Variants in CDHR5 observed in about 807,000 individuals in gnomAD.
CDHR5 encodes the protein cadherin-related family member 5.
A neutral mutation model predicts 69.5 loss-of-function variants in CDHR5; 82 were observed. The observed-to-expected ratio is 1.18, with a 90% CI of 0.99 to 1.42. CDHR5 has a LOEUF of 1.42. Among genes scored for constraint, CDHR5 ranks in the 40% most tolerant of loss-of-function variants. CDHR5 has a pLI of 0.00. For synonymous variants in CDHR5, 601 were observed against 510.2 expected, an observed-to-expected ratio of 1.18 and a Z score of -2.40; for missense variants, 1,293 against 1,168.9, an observed-to-expected ratio of 1.11 and a Z score of -1.55.
rs1857212919 is a variant in CDHR5, at chr11:619,369, T to C, written c.1315A>G (p.Thr439Ala). ...YAEVEAHNTV[T>A]SGTATTVIEI... ...ATGACTGTGGTTGCGGTGCCAGAGG[T>C]CACCGTGTTGTGGGCCTCAACCTGG... The change falls in exon 12 of 15, where the codon ACC becomes GCC. Residue 439 changes from threonine to alanine, a missense_variant. Physicochemically the swap from Thr to Ala is moderately conservative, Grantham distance 58. Transcript: ENST00000397542. 1 of 1,613,410 alleles carries C rather than the reference T, an allele frequency of 6.2e-7. No homozygotes were observed. Among genetic ancestry groups the C allele is most frequent in the African/African-American group, 1.3e-5 (1 of 74,824 alleles).
At chr11:619,648 C>A in intron 10 of CDHR5, 33 bp downstream of exon 10, 1 of 1,611,362 alleles carries the variant, frequency 6.2e-7, no homozygotes, top group Non-Finnish European at 8.5e-7. Flanking sequence ...CCTGACCCAC[C>A]CACAGAGGGG....
chr11:620,483 G>T, intron 7 of CDHR5, 97 bp from the exon 8 acceptor site: 2 of 827,190 alleles, frequency 2.4e-6, no homozygotes, highest in Non-Finnish European at 3.9e-6. Context: ...GGTTGGCTGA[G>T]GAGGGGCCCA....
At chr11:623,687 T>G (rs192897169) in intron 3 of CDHR5, among the ~76,000 whole-genome samples, 1 of 152,036 alleles carries the variant, frequency 6.6e-6, no homozygotes, top group Non-Finnish European at 1.5e-5. Flanking sequence ...CAGCCTTGGT[T>G]TACAACATCC....
rs978323862 is a variant in CDHR5, at chr11:621,017, C to T, written c.789+63G>A. The T allele has an allele frequency of 4.3e-5, 55 of 1,268,470 alleles. No individual in the cohort carries two copies. In the East Asian group the frequency reaches 8.0e-4, roughly 19 times the overall value. 78.6% of individuals were successfully genotyped at this position (1,268,470 alleles called of 1,614,324 possible). ...CCGCCCTTCCTCTCCTGATCCTGGCCGTCCCTGTGTCCAGCCTGCCTAGAA... is the reference window on the plus strand; with the variant it reads ...CCGCCCTTCCTCTCCTGATCCTGGCTGTCCCTGTGTCCAGCCTGCCTAGAA... On this transcript the variant is annotated intron_variant, in intron 7 of 14. Transcript: ENST00000397542. The surrounding 1 kb of genome is among the most constrained non-coding windows in gnomAD (Gnocchi z 4.4).
At position 617,194 on chromosome 11, in the gene CDHR5, CAG is replaced by C. The variant is rs1036229867; in HGVS notation, c.*155_*156del. 1.3e-4 allele frequency: 80 copies of C among 627,220 alleles called. 1 individual carries two copies. The East Asian group carries it at 1.7e-3, about 13-fold the overall frequency. 38.9% of individuals were successfully genotyped at this position (627,220 alleles called of 1,614,324 possible). Reference sequence around the variant, plus strand: ...ACCTGGGCTCAAGCGCTAATGACGACAGGGGACTGAGTGAATGGGACCCCCAT... The same window carrying C: ...ACCTGGGCTCAAGCGCTAATGACGACGGGACTGAGTGAATGGGACCCCCAT... On this transcript the variant is annotated 3_prime_UTR_variant, in exon 15 of 15. Coordinates refer to ENST00000397542, the MANE Select transcript of CDHR5 (RefSeq NM_021924.5).
rs770680095 is a variant in CDHR5, at chr11:619,128, G to C, written c.1431C>G (p.Thr477=). The C allele has an allele frequency of 6.3e-7, 1 of 1,590,746 alleles. No homozygotes were observed. Among genetic ancestry groups the C allele is most frequent in the Non-Finnish European group, 8.5e-7 (1 of 1,170,616 alleles). The change falls in exon 13 of 15, where the codon ACC becomes ACG. Residue 477 remains threonine (T), a synonymous_variant. Coordinates refer to ENST00000397542, the MANE Select transcript of CDHR5 (RefSeq NM_021924.5). ...AGGTTGPWTS[T]TSEVPRPPEP... is the part of the protein sequence containing the mutation. ...CAGGGGGTCTGGGGACCTCGGAAGTGGTGCTGGTCCAGGGCCCAGTTGTTC... is the reference window on the plus strand; with the variant it reads ...CAGGGGGTCTGGGGACCTCGGAAGTCGTGCTGGTCCAGGGCCCAGTTGTTC...
chr11:619,045 G>A lies in CDHR5; in HGVS notation c.1514C>T (p.Pro505Leu), dbSNP rs776280905. Reference protein sequence around the residue: ...SSGGGTGPHPPSGTTLRPPTS... With the variant: ...SSGGGTGPHPLSGTTLRPPTS... ...TGGTGGCCTCAGAGTTGTGCCAGAG[G>A]GTGGATGAGGGCCTGTGCCTCCCCC... Residue 505 changes from proline to leucine, a missense_variant, in exon 13 of 15, where the codon CCC (proline) becomes CTC (leucine). By Grantham distance (98) the Pro-to-Leu change is moderately conservative. Transcript: ENST00000397542. 4 of 1,613,364 alleles carry A rather than the reference G, an allele frequency of 2.5e-6. No individual in the cohort carries two copies. The Admixed American group carries it at 5.0e-5, about 20-fold the overall frequency.
rs757591991 is a variant in CDHR5 at position 624,681 on chromosome 11, G to A, written c.137C>T (p.Thr46Ile). 2.5e-6 allele frequency: 4 copies of A among 1,613,262 alleles called. No homozygotes were observed. Among genetic ancestry groups the A allele is most frequent in the Non-Finnish European group, 2.5e-6 (3 of 1,179,446 alleles). The stretch of plus-strand genomic sequence containing the variant: ...GACGTGGATGTCCACCAGCGGCTCG[G>A]TGACATTTGTGTTCTCCTCTACTTC... Reference protein sequence around the residue: ...IFEVEENTNVTEPLVDIHVPE... With the variant: ...IFEVEENTNVIEPLVDIHVPE... Residue 46 changes from threonine to isoleucine, a missense_variant, in exon 2 of 15, where the codon ACC becomes ATC. Physicochemically the swap from Thr to Ile is moderately conservative, Grantham distance 89. Transcript: ENST00000397542. This position sits in a 1 kb window ranked among gnomAD's most constrained non-coding sequence, Gnocchi z 5.3.
At position 618,071 on chromosome 11, in the gene CDHR5, A is replaced by G. The variant is rs1857088288; in HGVS notation, c.2001T>C (p.Asp667=). 1.9e-6 allele frequency: 3 copies of G among 1,602,292 alleles called. No homozygotes were observed. Among genetic ancestry groups the G allele is most frequent in the African/African-American group, 2.8e-5 (2 of 72,630 alleles). Residue 667 remains aspartate, a synonymous_variant, in exon 14 of 15, where the codon GAT becomes GAC. Coordinates refer to ENST00000397542, the MANE Select transcript of CDHR5 (RefSeq NM_021924.5). ...PSEDKRFSVV[D]MAALGGVLGA... ...CCAGCACCCCGCCCAGGGCCGCCAT[A>G]TCCACCACCGAGAAGCGCTTGTCCT...
At chr11:618,540 G>C in intron 13 of CDHR5, 59 bp downstream of exon 13, 1 of 1,589,862 alleles carries the variant, frequency 6.3e-7, no homozygotes. Flanking sequence ...TTCCTACAGC[G>C]TTTCCCATAC....
In CDHR5 at chr11:617,481, A is replaced by AC. The variant is rs1564890813; in HGVS notation, c.2407dup (p.Val803GlyfsTer16). ...CAGGGTGGGCGCGTTGAGAACGACC[A>AC]CGTCTGCCTCCGTCCCGATGTCCTC... On this transcript the variant is annotated frameshift_variant, in exon 15 of 15. Coordinates refer to ENST00000397542, the MANE Select transcript of CDHR5 (RefSeq NM_021924.5). LOFTEE classifies it low-confidence loss of function (END_TRUNC). The AC allele has an allele frequency of 1.2e-6, 2 of 1,612,640 alleles. No homozygotes were observed. Among genetic ancestry groups the AC allele is most frequent in the Non-Finnish European group, 1.7e-6 (2 of 1,179,840 alleles).
chr11:617,206 T>C lies in CDHR5; in HGVS notation c.*145A>G. The C allele has an allele frequency of 1.6e-6, 1 of 645,084 alleles. No individual in the cohort carries two copies. The highest frequency in any genetic ancestry group is 2.7e-6 in the Non-Finnish European group (1 of 364,900). 40.0% of individuals were successfully genotyped at this position (645,084 alleles called of 1,614,324 possible). ...GCGCTAATGACGACAGGGGACTGAG[T>C]GAATGGGACCCCCATGGACCCGCGC... On this transcript the variant is annotated 3_prime_UTR_variant, in exon 15 of 15. Coordinates refer to ENST00000397542, the MANE Select transcript of CDHR5 (RefSeq NM_021924.5).
intron 8 of CDHR5, 48 bp downstream of exon 8, chr11:620,248 A>G (rs910269313): frequency 1.9e-6 from 3 of 1,583,320 alleles, no homozygotes; most frequent in Non-Finnish European, 2.6e-6. Context: ...GGATGGAGAC[A>G]GGGACAGAGG....
At chr11:617,807 G>C (rs1196062205) in intron 14 of CDHR5, 37 bp from the exon 15 acceptor site, 6 of 1,454,200 alleles carry the variant, frequency 4.1e-6, no homozygotes, top group Middle Eastern at 2.1e-4. Context: ...GGGGTCCCTG[G>C]GTCTCTGCAG....
chr11:619,903 G>A (rs1245102566), intron 9 of CDHR5, 22 bp from the exon 10 acceptor site: 18 of 1,516,132 alleles, frequency 1.2e-5, no homozygotes, highest in Non-Finnish European at 1.6e-5. Flanking sequence ...GGAGGCAGCA[G>A]TGACTAGTGG....
intron 9 of CDHR5, 80 bp downstream of exon 9, chr11:619,987 C>CCG: frequency 7.6e-7 from 1 of 1,314,038 alleles, no homozygotes; most frequent in Non-Finnish European, 1.0e-6. Flanking sequence ...GGCCCTGCCC[C>CCG]GGCCCCCCAG....
Position 624,795 on chromosome 11 carries a change from C to T in CDHR5, c.85+23G>A, listed in dbSNP as rs1224452443. ...CCCTGGCTCCCCGCCGCCCGTGCCC[C>T]ACCTACCCCTGCCCGCACATACACT... On this transcript the variant is annotated intron_variant, in intron 1 of 14. Transcript: ENST00000397542. This position sits in a 1 kb window ranked among gnomAD's most constrained non-coding sequence, Gnocchi z 5.3. The T allele has an allele frequency of 1.2e-6, 2 of 1,607,242 alleles. No homozygotes were observed. Among genetic ancestry groups the T allele is most frequent in the African/African-American group, 1.3e-5 (1 of 74,656 alleles).
chr11:622,275 C>T (rs1430873662), intron 3 of CDHR5, among the ~76,000 whole-genome samples: 1 of 152,238 alleles, frequency 6.6e-6, no homozygotes, highest in African/African-American at 2.4e-5. Flanking sequence ...CCTGGTGGTG[C>T]CTGTCCTGGC....
At position 620,115 on chromosome 11, in the gene CDHR5, G is replaced by C; in HGVS notation, c.930C>G (p.Thr310=). Reference sequence around the variant, plus strand: ...TGGGGCTGGGGACACTCCTGGCCACGGTGAGGTTGCCCGAGTCTGGGTGGA... The same window carrying C: ...TGGGGCTGGGGACACTCCTGGCCACCGTGAGGTTGCCCGAGTCTGGGTGGA... ...FIIHPDSGNL[T]VARSVPSPMT... The change falls in exon 9 of 15, where the codon ACC becomes ACG. Residue 310 remains threonine, a synonymous_variant. Coordinates refer to ENST00000397542, the MANE Select transcript of CDHR5 (RefSeq NM_021924.5). 6.2e-7 allele frequency: 1 copy of C among 1,613,168 alleles called. No individual in the cohort carries two copies.
Sources: gnomAD v4.1 joint callset for allele counts (sites outside exome capture counted in the v4.1 genomes callset) on GRCh38, gnomAD v4.1.1 for gene constraint, Gnocchi (gnomAD v3.1) non-coding constraint, MANE v1.5 for transcripts, NCBI Gene and HGNC (gene_info 2026-07-23, HGNC 2026-07-21) for gene names.